Variants in EPB41L5 observed in about 807,000 individuals in gnomAD.
The protein encoded by EPB41L5 is band 4.1-like protein 5.
In EPB41L5, 55 loss-of-function variants were observed where a neutral mutation model predicts 106.6. The observed-to-expected ratio is 0.52, with a 90% CI of 0.42 to 0.65. The LOEUF (loss-of-function observed/expected upper bound fraction) is 0.65, where lower values mean the gene tolerates loss of function less well. Among genes scored for constraint, EPB41L5 ranks in the 30% least tolerant of loss-of-function variants. The probability of loss-of-function intolerance (pLI) is 0.00; values close to 1 mark genes in which losing one functional copy is unlikely to be tolerated. For missense variants in EPB41L5, 871 were observed against 882.1 expected (o/e 0.99, Z 0.16); for synonymous variants, 297 against 306.7 (o/e 0.97, Z 0.33).
intron 16 of EPB41L5, among the ~76,000 whole-genome samples, chr2:120,115,567 T>C (rs1684910061): frequency 6.6e-6 from 1 of 151,796 alleles, no homozygotes; most frequent in Non-Finnish European, 1.5e-5. Flanking sequence ...TATTTTTTTA[T>C]TTTTAGTAGA....
intron 18 of EPB41L5, among the ~76,000 whole-genome samples, chr2:120,133,129 G>C (rs968984977): frequency 6.6e-6 from 1 of 152,074 alleles, no homozygotes; most frequent in East Asian, 1.9e-4. Flanking sequence ...ATATAGCTAG[G>C]AAGAATAACA....
chr2:120,132,561 C>T (rs572536006), intron 18 of EPB41L5, among the ~76,000 whole-genome samples: 16 of 152,282 alleles, frequency 1.1e-4, no homozygotes, highest in Non-Finnish European at 1.6e-4. Flanking sequence ...AACTGTCTTT[C>T]GGGATCCAAG....
At chr2:120,153,409 C>A (rs1686763952) in intron 20 of EPB41L5, among the ~76,000 whole-genome samples, 1 of 152,034 alleles carries the variant, frequency 6.6e-6, no homozygotes, top group Non-Finnish European at 1.5e-5. Flanking sequence ...CACATGCAGT[C>A]TAGTAGAGAA....
At chr2:120,070,940 C>T (rs1681821041) in intron 3 of EPB41L5, among the ~76,000 whole-genome samples, 2 of 152,136 alleles carry the variant, frequency 1.3e-5, no homozygotes, top group African/African-American at 4.8e-5. Context: ...AACAAGGATG[C>T]CGTCTCTCAC....
intron 14 of EPB41L5, among the ~76,000 whole-genome samples, chr2:120,095,377 A>G (rs1232795070): frequency 6.6e-6 from 1 of 151,880 alleles, no homozygotes; most frequent in Non-Finnish European, 1.5e-5. Flanking sequence ...GTTTTTACCC[A>G]TTATTTCTCT....
chr2:120,133,901 C>A (rs1401286436), intron 18 of EPB41L5, among the ~76,000 whole-genome samples: 1 of 152,118 alleles, frequency 6.6e-6, no homozygotes, highest in Admixed American at 6.6e-5. Context: ...TGTCTTGTAG[C>A]TTGGATACCA....
intron 16 of EPB41L5, chr2:120,105,963 T>C: frequency 1.0e-6 from 1 of 985,400 alleles, no homozygotes; most frequent in Non-Finnish European, 1.2e-6. Flanking sequence ...ACAATGAAGT[T>C]GTAAGATTTG....
rs537269582 is a variant in EPB41L5 at position 120,096,396 on chromosome 2, C to T, written c.1178+3120C>T. 1.3e-4 allele frequency among the ~76,000 whole-genome samples: 20 copies of T among 152,218 alleles called. No individual in the cohort carries two copies. In the East Asian group the frequency reaches 2.1e-3, roughly 16 times the overall value. ...AGTGAAATTTCTGTGAAACTCTCTC[C>T]GTGAGATTTTTATTAGGTAAAAAAA... On this transcript the variant is annotated intron_variant, in intron 14 of 24. Coordinates refer to ENST00000263713, the MANE Select transcript of EPB41L5 (RefSeq NM_020909.4).
At chr2:120,138,523 A>G (rs1170642666) in intron 18 of EPB41L5, among the ~76,000 whole-genome samples, 1 of 152,118 alleles carries the variant, frequency 6.6e-6, no homozygotes, top group Admixed American at 6.6e-5. Flanking sequence ...AATCAGTAGC[A>G]TTTCTACATG....
chr2:120,124,952 C>A (rs1361790542), intron 16 of EPB41L5, among the ~76,000 whole-genome samples: 1 of 152,080 alleles, frequency 6.6e-6, no homozygotes, highest in East Asian at 1.9e-4. Flanking sequence ...GTACTTTTTC[C>A]TGTGTAATCT....
chr2:120,082,416 T>C (rs1460547597), intron 10 of EPB41L5, among the ~76,000 whole-genome samples: 1 of 152,220 alleles, frequency 6.6e-6, no homozygotes. Flanking sequence ...CATTTATTGA[T>C]TGGCATATGT....
intron 3 of EPB41L5, among the ~76,000 whole-genome samples, chr2:120,051,958 C>T (rs923605274): frequency 7.2e-5 from 11 of 152,088 alleles, no homozygotes; most frequent in African/African-American, 2.7e-4. Context: ...TCCTGAGTAG[C>T]TGGGACTGCA....
In EPB41L5 at chr2:120,175,126, A is replaced by AC; in HGVS notation, c.*220dup. ...CCCAAAAGAGAGTGTTTGGTCTTGA[A>AC]CTTTCTATACTTTTATAAATGTTAC... On this transcript the variant is annotated 3_prime_UTR_variant, in exon 25 of 25. Transcript: ENST00000263713. The AC allele has an allele frequency of 1.9e-6, 1 of 517,536 alleles. No individual in the cohort carries two copies. Among genetic ancestry groups the AC allele is most frequent in the Non-Finnish European group, 3.5e-6 (1 of 285,258 alleles). 32.1% of individuals were successfully genotyped at this position (517,536 alleles called of 1,614,324 possible).
At chr2:120,047,575 GT>G in intron 3 of EPB41L5, among the ~76,000 whole-genome samples, 1 of 152,136 alleles carries the variant, frequency 6.6e-6, no homozygotes, top group Admixed American at 6.5e-5. Flanking sequence ...AGATGATGGG[GT>G]TTTCTAAATA....
chr2:120,143,095 T>TC lies in EPB41L5; in HGVS notation c.1692_1693insC (p.Asn565GlnfsTer12), dbSNP rs1463085284. ...TGAGAGTTCCTCCTGACTTCAAGAGTAACATTTTGAAGGCTCAAGTAGAAG... is the reference window on the plus strand; with the variant it reads ...TGAGAGTTCCTCCTGACTTCAAGAGTCAACATTTTGAAGGCTCAAGTAGAAG... On this transcript the variant is annotated frameshift_variant, in exon 19 of 25. Coordinates refer to ENST00000263713, the MANE Select transcript of EPB41L5 (RefSeq NM_020909.4). LOFTEE classifies it high-confidence loss of function. 1 of 1,607,568 alleles carries TC rather than the reference T, an allele frequency of 6.2e-7. No homozygotes were observed. Among genetic ancestry groups the TC allele is most frequent in the African/African-American group, 1.3e-5 (1 of 74,328 alleles).
intron 2 of EPB41L5, among the ~76,000 whole-genome samples, chr2:120,039,197 C>T (rs777894385): frequency 6.6e-6 from 1 of 151,884 alleles, no homozygotes; most frequent in African/African-American, 2.4e-5. Flanking sequence ...TGTTATGATT[C>T]TACTTATGTG....
At chr2:120,015,397 C>T (rs182341798) in intron 1 of EPB41L5, among the ~76,000 whole-genome samples, 78 of 151,964 alleles carry the variant, frequency 5.1e-4, no homozygotes, top group African/African-American at 1.7e-3. Context: ...CCAACAGTTC[C>T]GCCTTAGCCT....
intron 2 of EPB41L5, among the ~76,000 whole-genome samples, chr2:120,032,711 G>A (rs149639761): frequency 2.6e-4 from 39 of 152,192 alleles, no homozygotes; most frequent in Non-Finnish European, 5.1e-4. Flanking sequence ...TTCCAGGCCC[G>A]GTTTTGAATA....
Position 120,026,294 on chromosome 2 carries a change from T to G in EPB41L5, c.180+7030T>G, listed in dbSNP as rs972503203. ...TGATCAAATCATGGTACATGAGATA[T>G]CCATCACCTCAAACATTTAGGAGTA... On this transcript the variant is annotated intron_variant, in intron 2 of 24. Transcript: ENST00000263713. Among the ~76,000 whole-genome samples the G allele has an allele frequency of 2.7e-4, 41 of 152,224 alleles. 1 individual carries two copies. The highest frequency in any genetic ancestry group is 8.0e-4 in the African/African-American group (33 of 41,458).
Sources: allele counts gnomAD v4.1 joint callset (sites outside exome capture counted in the v4.1 genomes callset), GRCh38; gene constraint gnomAD v4.1.1; transcripts MANE v1.5; gene names NCBI Gene and HGNC (gene_info 2026-07-23, HGNC 2026-07-21).